Variants in DCTN3 observed in about 807,000 individuals in gnomAD.
DCTN3 encodes dynactin 3 (p22).
In DCTN3, 25 loss-of-function variants were observed where a neutral mutation model predicts 28.4. The ratio of observed to expected loss-of-function variants is 0.88; its 90% confidence interval spans 0.64 to 1.23. The LOEUF (loss-of-function observed/expected upper bound fraction) is 1.23, where lower values mean the gene tolerates loss of function less well. Ranked by LOEUF, DCTN3 falls within the 50% of genes most tolerant of loss-of-function variation. The pLI, the probability that DCTN3 is intolerant of heterozygous loss-of-function variation, is 0.00. For synonymous variants in DCTN3, 81 were observed against 91.4 expected (o/e 0.89, Z 0.65); for missense variants, 229 against 232.0 (o/e 0.99, Z 0.08).
In DCTN3 at chr9:34,616,010, C is replaced by T; in HGVS notation, c.352+20G>A. ...TACCTCCCCAACCAGAGTAGTGAAG[C>T]TATAACCCCAGAGAGATACCTTTGA... On this transcript the variant is annotated intron_variant, in intron 4 of 6. Transcript: ENST00000259632. The surrounding 1 kb of genome is among the most constrained non-coding windows in gnomAD (Gnocchi z 4.7). The T allele has an allele frequency of 1.2e-6, 2 of 1,608,246 alleles. No individual in the cohort carries two copies. The highest frequency in any genetic ancestry group is 1.1e-5 in the South Asian group (1 of 90,824).
In DCTN3 at chr9:34,613,802, C is replaced by T. The variant is rs768357981; in HGVS notation, c.541G>A (p.Val181Met). Residue 181 changes from valine to methionine, a missense_variant, in exon 7 of 7, where the codon GTG (valine) becomes ATG (methionine). Coordinates refer to ENST00000259632, the MANE Select transcript of DCTN3 (RefSeq NM_007234.5). The part of the protein sequence containing the change: ...LLCQLEAATQ[V>M]KPAEE ...AGCTATCACTCCTCTGCTGGCTTCACTTGCGTGGCGGCCTCTAGCTGGCAA... is the reference window on the plus strand; with the variant it reads ...AGCTATCACTCCTCTGCTGGCTTCATTTGCGTGGCGGCCTCTAGCTGGCAA... 1 of 1,614,072 alleles carries T rather than the reference C, an allele frequency of 6.2e-7. No individual in the cohort carries two copies. Among genetic ancestry groups the T allele is most frequent in the South Asian group, 1.1e-5 (1 of 91,020 alleles).
chr9:34,614,747 C>T lies in DCTN3; in HGVS notation c.374G>A (p.Arg125His), dbSNP rs771113083. Reference sequence around the variant, plus strand: ...GTGGATCTGGGCCAAGCGCTGCAGGCGGGCAGCATGCTCAGGAACGGCTGT... The same window carrying T: ...GTGGATCTGGGCCAAGCGCTGCAGGTGGGCAGCATGCTCAGGAACGGCTGT... ...HIKAVPEHAARLQRLAQIHIQ... is the reference protein window; with the variant it reads ...HIKAVPEHAAHLQRLAQIHIQ... The change falls in exon 5 of 7, where the codon CGC (arginine) becomes CAC (histidine). Residue 125 changes from arginine to histidine, a missense_variant. Physicochemically the swap from Arg to His is conservative, Grantham distance 29. Coordinates refer to ENST00000259632, the MANE Select transcript of DCTN3 (RefSeq NM_007234.5). The T allele has an allele frequency of 1.8e-5, 29 of 1,613,932 alleles. No homozygotes were observed. Among genetic ancestry groups the T allele is most frequent in the African/African-American group, 8.0e-5 (6 of 74,938 alleles).
Position 34,613,724 on chromosome 9 carries a change from T to C in DCTN3, c.*58A>G, listed in dbSNP as rs1820354788. 3.1e-6 allele frequency: 5 copies of C among 1,605,958 alleles called. No individual in the cohort carries two copies. Among genetic ancestry groups the C allele is most frequent in the African/African-American group, 1.3e-5 (1 of 74,718 alleles). ...TCCTCTGCCTTGTAACAAAGGCAGG[T>C]TGGCATAGGGCCCTGGAGCCTGACT... On this transcript the variant is annotated 3_prime_UTR_variant, in exon 7 of 7. Transcript: ENST00000259632.
intron 5 of DCTN3, 57 bp from the exon 6 acceptor site, chr9:34,614,158 A>G (rs760647125): frequency 3.1e-6 from 5 of 1,613,834 alleles, no homozygotes; most frequent in Non-Finnish European, 4.2e-6. Context: ...ATCTTCCACT[A>G]AACTTCCTGC....
At chr9:34,617,641 T>C (rs994781467) in intron 3 of DCTN3, 12 of 1,434,208 alleles carry the variant, frequency 8.4e-6, no homozygotes, top group Non-Finnish European at 1.1e-5. Context: ...AAACTATTGA[T>C]AGAACACTGG....
At chr9:34,615,017 T>G (rs1003074463) in intron 4 of DCTN3, 93 of 527,784 alleles carry the variant, frequency 1.8e-4, no homozygotes, top group African/African-American at 1.6e-3. Flanking sequence ...TTCCCAGTGT[T>G]GCTCCCTACC....
At chr9:34,618,613 C>G in intron 2 of DCTN3, 63 bp downstream of exon 2, 1 of 1,308,206 alleles carries the variant, frequency 7.6e-7, no homozygotes, top group South Asian at 1.2e-5. Context: ...AGGGCTAGGG[C>G]CAGGTACCAG....
chr9:34,615,470 T>C (rs1039239244), intron 4 of DCTN3: 3 of 152,160 alleles, frequency 2.0e-5, no homozygotes, highest in African/African-American at 7.3e-5. Context: ...TGGGGGTAGG[T>C]AGAAGGCAGA....
At chr9:34,619,755 G>A (rs890466963) in intron 1 of DCTN3, among the ~76,000 whole-genome samples, 1 of 152,138 alleles carries the variant, frequency 6.6e-6, no homozygotes, top group African/African-American at 2.4e-5. Context: ...TGCCTGACAC[G>A]CCATCAGAAG....
intron 5 of DCTN3, 145 bp from the exon 6 acceptor site, chr9:34,614,246 T>C (rs760875893): frequency 1.0e-5 from 16 of 1,556,270 alleles, no homozygotes; most frequent in African/African-American, 6.8e-5. Context: ...CAAATGGCTA[T>C]GGGAGCACTT....
intron 1 of DCTN3, 85 bp from the exon 2 acceptor site, chr9:34,618,845 T>C (rs768951382): frequency 2.7e-5 from 29 of 1,068,884 alleles, no homozygotes; most frequent in Non-Finnish European, 4.2e-5. Context: ...TCTCCCAGAC[T>C]CTCAAACCTG....
At chr9:34,614,823 C>T (rs1820386993) in intron 4 of DCTN3, 55 bp from the exon 5 acceptor site, 1 of 1,600,012 alleles carries the variant, frequency 6.2e-7, no homozygotes, top group African/African-American at 1.3e-5. Context: ...CCCGGGACTG[C>T]TCAATAGTCT....
intron 4 of DCTN3, chr9:34,615,139 G>A (rs1366779751): frequency 5.1e-6 from 1 of 197,628 alleles, no homozygotes; most frequent in African/African-American, 2.3e-5. Context: ...AGGGAACAGG[G>A]AGTCTGAAGA....
intron 4 of DCTN3, 200 bp downstream of exon 4, chr9:34,615,830 G>A (rs1311891324): frequency 7.1e-6 from 3 of 425,114 alleles, no homozygotes; most frequent in Non-Finnish European, 1.3e-5. Context: ...TGAACCAGGA[G>A]GCAGCGGTTG....
At chr9:34,614,334 TC>T (rs527883241) in intron 5 of DCTN3, 10 of 838,590 alleles carry the variant, frequency 1.2e-5, no homozygotes, top group Non-Finnish European at 1.6e-5. Flanking sequence ...AAGTAAACAT[TC>T]CCCCTAGTGT....
In DCTN3 at chr9:34,617,896, A is replaced by C; in HGVS notation, c.257T>G (p.Phe86Cys). ...IAIPDASKLQ[F>C]ILAEEQFILS... ...TAGTCCAGCATTACCTGCTAGGATG[A>C]ATTGCAGCTTAGAGGCATCAGGTAT... Residue 86 changes from phenylalanine (F) to cysteine (C), a missense_variant, in exon 3 of 7, where the codon TTC (phenylalanine) becomes TGC (cysteine). Physicochemically the swap from Phe to Cys is radical, Grantham distance 205. Transcript: ENST00000259632. The C allele has an allele frequency of 2.5e-6, 4 of 1,613,970 alleles. No individual in the cohort carries two copies. The highest frequency in any genetic ancestry group is 1.7e-6 in the Non-Finnish European group (2 of 1,179,878).
chr9:34,619,601 G>A (rs1012711226), intron 1 of DCTN3, among the ~76,000 whole-genome samples: 2 of 152,170 alleles, frequency 1.3e-5, no homozygotes, highest in African/African-American at 4.8e-5. Flanking sequence ...GGAAAACCAG[G>A]AGGGTCAGCG....
intron 1 of DCTN3, among the ~76,000 whole-genome samples, chr9:34,619,525 G>T (rs1370913331): frequency 6.6e-6 from 1 of 152,198 alleles, no homozygotes; most frequent in East Asian, 1.9e-4. Flanking sequence ...CCAGTTTTTA[G>T]GGTAGAGGAT....
intron 4 of DCTN3, chr9:34,615,154 T>A (rs1820394515): frequency 5.4e-6 from 1 of 186,804 alleles, no homozygotes; most frequent in African/African-American, 2.3e-5. Flanking sequence ...TGAAGATGGA[T>A]GCCAGGTCCC....
Sources: gnomAD v4.1 joint callset for allele counts (sites outside exome capture counted in the v4.1 genomes callset) on GRCh38, gnomAD v4.1.1 for gene constraint, Gnocchi (gnomAD v3.1) non-coding constraint, MANE v1.5 for transcripts, NCBI Gene and HGNC (gene_info 2026-07-23, HGNC 2026-07-21) for gene names.